RSU1: variants seen among roughly 807,000 people sequenced by gnomAD.
RSU1 encodes the protein Ras suppressor protein 1, also known as rsu-1.
RSU1 carries 26 observed loss-of-function variants against 31.1 expected under a neutral mutation model. That is an observed-to-expected ratio of 0.84 (90% confidence interval 0.61 to 1.16). The LOEUF (loss-of-function observed/expected upper bound fraction) is 1.16. Ranked by LOEUF, RSU1 falls within the 50% of genes most tolerant of loss-of-function variation. RSU1 has a pLI of 0.00. For missense variants in RSU1, 320 were observed against 339.1 expected (o/e 0.94, Z 0.44); for synonymous variants, 164 against 136.3 (o/e 1.20, Z -1.41).
rs116794086 is a variant in RSU1 at position 16,673,826 on chromosome 10, A to C, written c.731+21197T>G. ...CCTTAGGTTCAGAGATCAGGCTCTAAGTACTTTTTCTGACTTGCCAACGTA... is the reference window on the plus strand; with the variant it reads ...CCTTAGGTTCAGAGATCAGGCTCTACGTACTTTTTCTGACTTGCCAACGTA... On this transcript the variant is annotated intron_variant, in intron 8 of 8. Coordinates refer to ENST00000345264, the MANE Select transcript of RSU1 (RefSeq NM_012425.4). Among the ~76,000 whole-genome samples the C allele has an allele frequency of 6.0e-3, 908 of 152,324 alleles. 5 individuals are homozygous for C. Among genetic ancestry groups the C allele is most frequent in the African/African-American group, 0.02 (844 of 41,582 alleles).
rs1249700756 is a variant in RSU1, at chr10:16,591,759, T to C, written c.*1635A>G. 1 of 152,190 alleles carries C rather than the reference T, an allele frequency of 6.6e-6. No homozygotes were observed. The highest frequency in any genetic ancestry group is 1.5e-5 in the Non-Finnish European group (1 of 68,040). 9.4% of individuals were successfully genotyped at this position (152,190 alleles called of 1,614,324 possible). On this transcript the variant is annotated 3_prime_UTR_variant, in exon 9 of 9. Coordinates refer to ENST00000345264, the MANE Select transcript of RSU1 (RefSeq NM_012425.4). The stretch of plus-strand genomic sequence containing the variant: ...TGTTAGATTTTTACTAATGCTTTCT[T>C]GCTGGTTTAATTTTAGGTTAAGTCT...
At chr10:16,667,988 C>A (rs1012287104) in intron 8 of RSU1, among the ~76,000 whole-genome samples, 1 of 152,044 alleles carries the variant, frequency 6.6e-6, no homozygotes, top group African/African-American at 2.4e-5. Context: ...ACAATAAATG[C>A]TAAAGGAGGA....
At chr10:16,744,397 T>TA (rs920819039) in intron 7 of RSU1, among the ~76,000 whole-genome samples, 2 of 151,760 alleles carry the variant, frequency 1.3e-5, no homozygotes, top group African/African-American at 4.8e-5. Context: ...TCTGGGAGAA[T>TA]AAAAAAAATC....
chr10:16,633,461 A>G (rs1007717686), intron 8 of RSU1, among the ~76,000 whole-genome samples: 4 of 151,314 alleles, frequency 2.6e-5, no homozygotes, highest in African/African-American at 4.9e-5. Context: ...TGGGGAGAGG[A>G]AAAAAAAACA....
intron 8 of RSU1, among the ~76,000 whole-genome samples, chr10:16,672,318 A>G (rs1835123487): frequency 6.6e-6 from 1 of 152,080 alleles, no homozygotes; most frequent in African/African-American, 2.4e-5. Context: ...TCAAAAAAAA[A>G]GGTAAATCCA....
chr10:16,695,225 A>G lies in RSU1; in HGVS notation c.599-70T>C, dbSNP rs1383064518. On this transcript the variant is annotated intron_variant, in intron 7 of 8. Transcript: ENST00000345264. ...AGATCAGGTCTAAGAAGTCCTTCTC[A>G]GTAATCACAGCCTAAGTACCCTAAA... 7 of 1,446,774 alleles carry G rather than the reference A, an allele frequency of 4.8e-6. No homozygotes were observed. In the East Asian group the frequency reaches 1.6e-4, roughly 33 times the overall value. 89.6% of individuals were successfully genotyped at this position (1,446,774 alleles called of 1,614,324 possible).
At chr10:16,763,473 C>T (rs1410495224) in intron 4 of RSU1, among the ~76,000 whole-genome samples, 1 of 152,170 alleles carries the variant, frequency 6.6e-6, no homozygotes, top group African/African-American at 2.4e-5. Flanking sequence ...GTAACTCACT[C>T]ACTATCACAA....
intron 7 of RSU1, among the ~76,000 whole-genome samples, chr10:16,716,627 C>T (rs1430488127): frequency 6.6e-6 from 1 of 152,022 alleles, no homozygotes; most frequent in African/African-American, 2.4e-5. Flanking sequence ...TCAGGAGGCA[C>T]TGATAAGCGT....
chr10:16,601,166 A>T (rs1337725212), intron 8 of RSU1, among the ~76,000 whole-genome samples: 1 of 152,158 alleles, frequency 6.6e-6, no homozygotes, highest in African/African-American at 2.4e-5. Flanking sequence ...CACTTTGGCT[A>T]TGAATCCCCA....
chr10:16,710,716 G>A (rs972131407), intron 7 of RSU1, among the ~76,000 whole-genome samples: 2 of 151,910 alleles, frequency 1.3e-5, no homozygotes, highest in Non-Finnish European at 2.9e-5. Flanking sequence ...TGTGCAGAAA[G>A]TGCAGGTTTG....
intron 8 of RSU1, among the ~76,000 whole-genome samples, chr10:16,644,119 A>C (rs2131504672): frequency 6.6e-6 from 1 of 152,044 alleles, no homozygotes; most frequent in East Asian, 1.9e-4. Context: ...GGGGGGTCCT[A>C]GAACCAATCC....
At chr10:16,655,055 T>TAAA (rs780658639) in intron 8 of RSU1, among the ~76,000 whole-genome samples, 47 of 103,756 alleles carry the variant, frequency 4.5e-4, no homozygotes, top group Non-Finnish European at 6.9e-4. Context: ...CTTTGTCCCT[T>TAAA]AAAAAAAAAA....
At chr10:16,743,287 A>G (rs1012956803) in intron 7 of RSU1, among the ~76,000 whole-genome samples, 1 of 152,150 alleles carries the variant, frequency 6.6e-6, no homozygotes, top group Non-Finnish European at 1.5e-5. Context: ...AGGAATGCTT[A>G]TTTTTGAATT....
intron 7 of RSU1, among the ~76,000 whole-genome samples, chr10:16,730,375 G>C (rs1390093162): frequency 6.6e-6 from 1 of 152,092 alleles, no homozygotes; most frequent in Non-Finnish European, 1.5e-5. Flanking sequence ...TACTATCCCT[G>C]GAAGAGACCA....
intron 2 of RSU1, among the ~76,000 whole-genome samples, chr10:16,784,270 T>C (rs1422350510): frequency 1.3e-5 from 2 of 151,988 alleles, no homozygotes; most frequent in Non-Finnish European, 2.9e-5. Flanking sequence ...TTTTGTTTTA[T>C]TTTGTTTTGT....
intron 3 of RSU1, among the ~76,000 whole-genome samples, chr10:16,768,429 G>A (rs1389315321): frequency 1.3e-5 from 2 of 152,312 alleles, no homozygotes; most frequent in African/African-American, 4.8e-5. Flanking sequence ...ATCATTTTCT[G>A]CCTAGCCAAA....
intron 7 of RSU1, among the ~76,000 whole-genome samples, chr10:16,714,011 G>A (rs1037061405): frequency 7.9e-5 from 12 of 152,288 alleles, no homozygotes; most frequent in Non-Finnish European, 1.0e-4. Context: ...TGTGGTGGTC[G>A]TAGTGTGTGG....
chr10:16,665,635 T>C (rs1834974899), intron 8 of RSU1, among the ~76,000 whole-genome samples: 1 of 152,224 alleles, frequency 6.6e-6, no homozygotes, highest in African/African-American at 2.4e-5. Context: ...ACTTTTCGTT[T>C]TGAACAAAGA....
At chr10:16,658,678 C>T (rs1240051043) in intron 8 of RSU1, among the ~76,000 whole-genome samples, 7 of 152,118 alleles carry the variant, frequency 4.6e-5, no homozygotes, top group Admixed American at 4.6e-4. Context: ...AAGCTGAGAT[C>T]GCGCCACTGA....
Sources: gnomAD v4.1 joint callset for allele counts (sites outside exome capture counted in the v4.1 genomes callset) on GRCh38, gnomAD v4.1.1 for gene constraint, MANE v1.5 for transcripts, NCBI Gene and HGNC (gene_info 2026-07-23, HGNC 2026-07-21) for gene names.